The following OTOGL variants were observed in gnomAD, a reference collection of about 807,000 sequenced individuals.
The protein encoded by OTOGL is otogelin-like protein.
In OTOGL, 285 loss-of-function variants were observed where a neutral mutation model predicts 318.5. The observed-to-expected ratio is 0.89, with a 90% confidence interval of 0.81 to 0.99. The LOEUF is 0.99. Ranked by LOEUF, OTOGL falls within the 50% of genes least tolerant of loss-of-function variation. The probability of loss-of-function intolerance (pLI) is 0.00; values close to 1 mark genes in which losing one functional copy is unlikely to be tolerated. For missense variants in OTOGL, 2,899 were observed against 2,845.6 expected, an observed-to-expected ratio of 1.02 and a Z score of -0.43; for synonymous variants, 987 against 936.5, an observed-to-expected ratio of 1.05 and a Z score of -0.99.
At chr12:80,293,128 G>T (rs1371722905) in intron 26 of OTOGL, among the ~76,000 whole-genome samples, 1 of 152,152 alleles carries the variant, frequency 6.6e-6, no homozygotes, top group Admixed American at 6.5e-5. Context: ...AGGAGACTCA[G>T]TTTCCCAAAT....
chr12:80,262,228 TA>T, intron 19 of OTOGL, 135 bp downstream of exon 19: 2 of 975,074 alleles, frequency 2.1e-6, no homozygotes, highest in African/African-American at 3.4e-5. Flanking sequence ...ATTCCTCGTG[TA>T]TTTTTTTTTT....
At chr12:80,114,665 G>T (rs948116579) in intron 1 of OTOGL, among the ~76,000 whole-genome samples, 6 of 152,106 alleles carry the variant, frequency 3.9e-5, no homozygotes, top group East Asian at 1.9e-4. Flanking sequence ...GGCTGGTATT[G>T]CTAGGTTGGG....
At chr12:80,323,557 G>A (rs1205939648) in intron 34 of OTOGL, among the ~76,000 whole-genome samples, 166 bp from the exon 35 acceptor site, 4 of 152,328 alleles carry the variant, frequency 2.6e-5, no homozygotes, top group East Asian at 3.9e-4. Flanking sequence ...GCTGAGGCAC[G>A]ACAGTCACTT....
intron 1 of OTOGL, chr12:80,103,217 T>C: frequency 1.4e-6 from 2 of 1,442,488 alleles, no homozygotes; most frequent in Non-Finnish European, 1.9e-6. Context: ...TGTACTTCTG[T>C]CTCAGCTCTT....
intron 13 of OTOGL, 129 bp from the exon 14 acceptor site, chr12:80,253,337 A>G (rs1002085045): frequency 1.3e-6 from 1 of 792,464 alleles, no homozygotes; most frequent in Admixed American, 2.5e-5. Flanking sequence ...ATCCCACTGA[A>G]AGTAAAGAAA....
intron 1 of OTOGL, among the ~76,000 whole-genome samples, chr12:80,152,187 A>G (rs1250753755): frequency 6.6e-6 from 1 of 152,054 alleles, no homozygotes; most frequent in Non-Finnish European, 1.5e-5. Context: ...GTCAGAGAGG[A>G]GCACTGAAAG....
At chr12:80,169,152 T>A (rs74812778) in intron 1 of OTOGL, among the ~76,000 whole-genome samples, 1,540 of 152,320 alleles carry the variant, frequency 0.01, 35 homozygotes, top group African/African-American at 0.035. Flanking sequence ...GATACTACTA[T>A]TGGCTTAGTC....
chr12:80,256,170 AAGGCTTTTATATATT>A (rs1400468993), intron 16 of OTOGL, among the ~76,000 whole-genome samples, 152 bp from the exon 17 acceptor site: 1 of 152,056 alleles, frequency 6.6e-6, no homozygotes, highest in Admixed American at 6.6e-5. Flanking sequence ...ACTTATACTC[AAGGCTTTTATATATT>A]AGAAATTCTA....
intron 1 of OTOGL, among the ~76,000 whole-genome samples, chr12:80,171,390 G>T (rs948747851): frequency 6.6e-6 from 1 of 151,956 alleles, no homozygotes; most frequent in Non-Finnish European, 1.5e-5. Flanking sequence ...GAGGTTCTTT[G>T]TTTGTTTTTT....
At chr12:80,224,498 C>G (rs1208233465) in intron 7 of OTOGL, among the ~76,000 whole-genome samples, 1 of 152,032 alleles carries the variant, frequency 6.6e-6, no homozygotes, top group Non-Finnish European at 1.5e-5. Context: ...TTGTAGATTG[C>G]TTTTGGCAGT....
intron 44 of OTOGL, among the ~76,000 whole-genome samples, chr12:80,344,897 T>A (rs1889061868): frequency 6.7e-6 from 1 of 150,056 alleles, no homozygotes; most frequent in Non-Finnish European, 1.5e-5. Flanking sequence ...AGTGTTATAG[T>A]TTGAATATCT....
intron 1 of OTOGL, among the ~76,000 whole-genome samples, chr12:80,181,202 T>C (rs1874895491): frequency 1.3e-5 from 2 of 152,212 alleles, no homozygotes. Flanking sequence ...GCATACTTTT[T>C]TTTATTTATT....
At chr12:80,153,206 C>T (rs1592500641) in intron 1 of OTOGL, among the ~76,000 whole-genome samples, 1 of 152,080 alleles carries the variant, frequency 6.6e-6, no homozygotes, top group Non-Finnish European at 1.5e-5. Flanking sequence ...GAGTAACACA[C>T]CAGCAGATTT....
chr12:80,249,749 CG>C (rs1455067708), intron 11 of OTOGL, among the ~76,000 whole-genome samples: 1 of 152,166 alleles, frequency 6.6e-6, no homozygotes, highest in Non-Finnish European at 1.5e-5. Flanking sequence ...CGATGGCGGG[CG>C]CCCCTCCCCC....
chr12:80,214,002 G>A (rs1007776814), intron 4 of OTOGL, among the ~76,000 whole-genome samples: 5 of 152,212 alleles, frequency 3.3e-5, no homozygotes, highest in African/African-American at 1.2e-4. Context: ...TGTAAATAGT[G>A]TATTTGTGTG....
intron 1 of OTOGL, among the ~76,000 whole-genome samples, chr12:80,190,776 G>A (rs1875629595): frequency 9.2e-6 from 1 of 108,880 alleles, no homozygotes; most frequent in Non-Finnish European, 1.7e-5. Context: ...GAAAGAGTGA[G>A]ACTCCGTCTC....
intron 30 of OTOGL, among the ~76,000 whole-genome samples, chr12:80,313,106 A>G (rs1010514362): frequency 6.6e-6 from 1 of 152,238 alleles, no homozygotes; most frequent in Non-Finnish European, 1.5e-5. Flanking sequence ...AAAGAAAGGA[A>G]AGAAGGAAGA....
At chr12:80,287,567 G>A (rs1044121120) in intron 26 of OTOGL, among the ~76,000 whole-genome samples, 7 of 152,168 alleles carry the variant, frequency 4.6e-5, no homozygotes, top group Non-Finnish European at 1.0e-4. Flanking sequence ...CTTGCTTTAT[G>A]AATCTGAGTG....
At chr12:80,152,221 T>G (rs1872829784) in intron 1 of OTOGL, among the ~76,000 whole-genome samples, 2 of 152,126 alleles carry the variant, frequency 1.3e-5, no homozygotes, top group African/African-American at 4.8e-5. Context: ...ATACTGGCTC[T>G]TGGTGGTTGG....
Sources: allele counts gnomAD v4.1 joint callset (sites outside exome capture counted in the v4.1 genomes callset), GRCh38; gene constraint gnomAD v4.1.1; transcripts MANE v1.5; gene names NCBI Gene and HGNC (gene_info 2026-07-23, HGNC 2026-07-21).